TENM1: variants seen among roughly 807,000 people sequenced by gnomAD.
TENM1 encodes the protein teneurin transmembrane protein 1.
A neutral mutation model predicts 174.8 loss-of-function variants in TENM1; 35 were observed. The observed-to-expected ratio is 0.20, with a 90% confidence interval of 0.15 to 0.27. The LOEUF (loss-of-function observed/expected upper bound fraction) is 0.27. Ranked by LOEUF, TENM1 falls within the 10% of genes least tolerant of loss-of-function variation. The pLI, the probability that TENM1 is intolerant of heterozygous loss-of-function variation, is 1.00. For missense variants in TENM1, 1,633 were observed against 2,130.1 expected (o/e 0.77, Z 4.59); for synonymous variants, 781 against 798.7 (o/e 0.98, Z 0.37).
chrX:124,823,281 G>A (rs932402574), intron 3 of TENM1, among the ~76,000 whole-genome samples: 1 of 111,972 alleles, frequency 8.9e-6, no homozygotes, highest in Non-Finnish European at 1.9e-5. Flanking sequence ...TTAATTAGAC[G>A]GATGTGTTAT....
chrX:124,587,617 A>G (rs1410823469), intron 11 of TENM1, among the ~76,000 whole-genome samples: 2 of 111,309 alleles, frequency 1.8e-5, no homozygotes, highest in Non-Finnish European at 3.8e-5. Context: ...ACCATTCAGG[A>G]CATAGGCATG....
chrX:125,097,417 A>C, the TENM1 span, among the ~76,000 whole-genome samples: 1 of 111,752 alleles, frequency 8.9e-6, no homozygotes, highest in Non-Finnish European at 1.9e-5. Context: ...ACTGAGGTGC[A>C]TGTGTGTATG....
intron 1 of TENM1, among the ~76,000 whole-genome samples, chrX:124,896,792 C>A (rs1426067426): frequency 1.8e-5 from 2 of 111,609 alleles, no homozygotes; most frequent in Non-Finnish European, 3.8e-5. Context: ...TACCTAATAT[C>A]ATTATTTTCC....
chrX:124,834,333 G>A (rs749168581), intron 3 of TENM1, among the ~76,000 whole-genome samples: 16 of 111,012 alleles, frequency 1.4e-4, no homozygotes, highest in East Asian at 2.9e-4. Flanking sequence ...CACCACGCCC[G>A]GCTAATTTTT....
chrX:124,948,762 C>G (rs2058439391), intron 1 of TENM1, among the ~76,000 whole-genome samples: 1 of 111,975 alleles, frequency 8.9e-6, no homozygotes, highest in Non-Finnish European at 1.9e-5. Flanking sequence ...CCATATTGGC[C>G]AGGTTGGTCT....
chrX:124,816,287 C>G (rs1298237872), intron 3 of TENM1, among the ~76,000 whole-genome samples: 1 of 111,724 alleles, frequency 9.0e-6, no homozygotes, highest in Admixed American at 9.5e-5. Context: ...GTAAGAACTA[C>G]AGATCATTAA....
rs187781603 is a variant in TENM1, at chrX:124,527,519, G to A, written c.2771+2345C>T. Among the ~76,000 whole-genome samples the A allele has an allele frequency of 3.3e-4, 37 of 111,065 alleles. No individual in the cohort carries two copies. In the East Asian group the frequency reaches 0.01, roughly 31 times the overall value. The stretch of plus-strand genomic sequence containing the variant: ...GGTGAAAAGTATAAGCACTGTGGCC[G>A]ACTGGAGGGATTGAGATTTGGACAT... On this transcript the variant is annotated intron_variant, in intron 16 of 31. Coordinates refer to ENST00000422452, the Ensembl canonical transcript of TENM1.
chrX:124,414,120 T>C (rs190647727), intron 25 of TENM1, among the ~76,000 whole-genome samples: 30 of 112,000 alleles, frequency 2.7e-4, no homozygotes, highest in African/African-American at 9.1e-4. Context: ...GTTTGTTTTT[T>C]GTTTTCTTGA....
chrX:124,422,689 A>T (rs771102633), intron 23 of TENM1, 51 bp from the exon 27 acceptor site: 6 of 1,137,177 alleles, frequency 5.3e-6, no homozygotes, highest in Non-Finnish European at 2.4e-6. Context: ...CTTTCCATGG[A>T]CAGTTTTAAC....
At chrX:124,960,792 A>G (rs1251176835) in intron 1 of TENM1, among the ~76,000 whole-genome samples, 4 of 112,403 alleles carry the variant, frequency 3.6e-5, no homozygotes, top group Middle Eastern at 4.3e-3. Flanking sequence ...TTCTGTAAAG[A>G]CAAACTTACA....
chrX:124,563,842 G>C (rs985758557), intron 12 of TENM1, 70 bp from the exon 16 acceptor site: 2 of 985,560 alleles, frequency 2.0e-6, no homozygotes, highest in African/African-American at 3.8e-5. Context: ...ATGTACTAAT[G>C]GTTTACCATC....
At chrX:124,993,671 G>T in the TENM1 span, among the ~76,000 whole-genome samples, 1 of 110,943 alleles carries the variant, frequency 9.0e-6, no homozygotes, top group Admixed American at 9.6e-5. Context: ...ATTAAATACA[G>T]ACCACCCACA....
intron 3 of TENM1, among the ~76,000 whole-genome samples, chrX:124,758,164 AC>A (rs1403617179): frequency 8.9e-6 from 1 of 111,867 alleles, no homozygotes; most frequent in Non-Finnish European, 1.9e-5. Context: ...AGCAGAAAAA[AC>A]AAAACAAAAC....
chrX:124,404,989 C>A (rs1358631371), intron 27 of TENM1, 42 bp downstream of exon 30: 2 of 1,042,911 alleles, frequency 1.9e-6, no homozygotes, highest in Admixed American at 2.3e-5. Flanking sequence ...ACAAACAAAA[C>A]ACCTATAAAA....
chrX:124,954,470 C>G (rs1335825977), intron 1 of TENM1, among the ~76,000 whole-genome samples: 2 of 111,648 alleles, frequency 1.8e-5, no homozygotes, highest in Non-Finnish European at 3.8e-5. Flanking sequence ...TTTGTAAAAT[C>G]ATTTATATGA....
At chrX:125,121,846 G>T in the TENM1 span, among the ~76,000 whole-genome samples, 1 of 112,463 alleles carries the variant, frequency 8.9e-6, no homozygotes, top group African/African-American at 3.2e-5. Flanking sequence ...GCCAAGGCAG[G>T]AGGATCACTT....
the TENM1 span, among the ~76,000 whole-genome samples, chrX:125,023,188 G>A: frequency 9.0e-6 from 1 of 110,990 alleles, no homozygotes; most frequent in South Asian, 3.9e-4. Flanking sequence ...TGGATTATGG[G>A]GGCGGTTTCT....
At chrX:125,096,095 G>T in the TENM1 span, among the ~76,000 whole-genome samples, 1 of 112,010 alleles carries the variant, frequency 8.9e-6, no homozygotes, top group South Asian at 3.8e-4. Flanking sequence ...GAATAAAGAT[G>T]AAGAGAGTAT....
chrX:124,461,151 C>T (rs904584911), intron 22 of TENM1, among the ~76,000 whole-genome samples: 3 of 111,860 alleles, frequency 2.7e-5, no homozygotes, highest in African/African-American at 9.7e-5. Context: ...TTACTATTAT[C>T]ATAGAATTAC....
Sources: gnomAD v4.1 joint callset for allele counts (sites outside exome capture counted in the v4.1 genomes callset) on GRCh38, gnomAD v4.1.1 for gene constraint, MANE v1.5 for transcripts, NCBI Gene and HGNC (gene_info 2026-07-23, HGNC 2026-07-21) for gene names.